CSRNP3: variants seen among roughly 807,000 people sequenced by gnomAD.
The protein encoded by CSRNP3 is cysteine and serine rich nuclear protein 3.
A neutral mutation model predicts 48.0 loss-of-function variants in CSRNP3; 12 were observed. The observed-to-expected ratio is 0.25, with a 90% CI of 0.16 to 0.41. CSRNP3 has a LOEUF of 0.41. CSRNP3 is among the 10% of genes least tolerant of loss of function. The pLI, the probability that CSRNP3 is intolerant of heterozygous loss-of-function variation, is 1.00. For missense variants in CSRNP3, 580 were observed against 724.4 expected (o/e 0.80, Z 2.29); for synonymous variants, 263 against 269.7 (o/e 0.98, Z 0.24).
chr2:165,637,490 C>T (rs1686650322), intron 4 of CSRNP3, among the ~76,000 whole-genome samples: 1 of 152,174 alleles, frequency 6.6e-6, no homozygotes, highest in Admixed American at 6.5e-5. Context: ...GTACTCATAG[C>T]TGGTCATGAT....
In CSRNP3 at chr2:165,494,905, C is replaced by G. The variant is rs905482030; in HGVS notation, c.-136C>G. 6.4e-6 allele frequency: 1 copy of G among 156,550 alleles called. No homozygotes were observed. The highest frequency in any genetic ancestry group is 1.5e-5 in the Non-Finnish European group (1 of 68,824). The allele number at this position is 156,550 out of a possible 1,614,324, so 9.7% of individuals were successfully genotyped here. A position where few individuals can be genotyped will look rare whatever the true frequency, so the allele number is the denominator to read the frequency against. The stretch of plus-strand genomic sequence containing the variant: ...TACTGAGAGTGTTGATAGTGTCAAT[C>G]GTTCAGTTTTAATGATTTTACCAGT... On this transcript the variant is annotated 5_prime_UTR_variant, in exon 2 of 7. It adds an upstream start codon to the 5' untranslated region. Transcript: ENST00000651982.
intron 3 of CSRNP3, among the ~76,000 whole-genome samples, chr2:165,576,063 A>T (rs1249542092): frequency 6.6e-6 from 1 of 150,560 alleles, no homozygotes; most frequent in African/African-American, 2.4e-5. Flanking sequence ...ATATAGATAT[A>T]TAATTGTTTT....
chr2:165,640,110 T>C (rs1407396030), intron 4 of CSRNP3, among the ~76,000 whole-genome samples: 1 of 152,240 alleles, frequency 6.6e-6, no homozygotes, highest in Non-Finnish European at 1.5e-5. Context: ...GGCACTCTAC[T>C]GCTTCATATA....
intron 5 of CSRNP3, among the ~76,000 whole-genome samples, chr2:165,662,106 A>G (rs1558965937): frequency 1.4e-5 from 1 of 70,744 alleles, no homozygotes; most frequent in Middle Eastern, 7.0e-3. Context: ...ATATTATAGT[A>G]CATCTATAGA....
At chr2:165,577,776 C>A (rs549596700) in intron 3 of CSRNP3, among the ~76,000 whole-genome samples, 1 of 151,728 alleles carries the variant, frequency 6.6e-6, no homozygotes, top group East Asian at 1.9e-4. Context: ...CCTTTGAGAG[C>A]AATTCAGAAA....
At chr2:165,662,560 C>T (rs1243211479) in intron 5 of CSRNP3, among the ~76,000 whole-genome samples, 1 of 152,182 alleles carries the variant, frequency 6.6e-6, no homozygotes, top group Admixed American at 6.5e-5. Context: ...AAATTAAGTG[C>T]TTAGATTTCA....
intron 4 of CSRNP3, among the ~76,000 whole-genome samples, chr2:165,599,314 AAAG>A (rs1188559919): frequency 7.2e-6 from 1 of 139,162 alleles, no homozygotes; most frequent in Non-Finnish European, 1.6e-5. Context: ...AGAAAGAAAG[AAAG>A]AAAGAAAGAA....
At chr2:165,577,209 T>G (rs1484689010) in intron 3 of CSRNP3, among the ~76,000 whole-genome samples, 1 of 151,388 alleles carries the variant, frequency 6.6e-6, no homozygotes, top group African/African-American at 2.4e-5. Context: ...AATAATTGAG[T>G]ATTCAAAACA....
rs569656668 is a variant in CSRNP3, at chr2:165,628,803, G to A, written c.149-28958G>A. Among the ~76,000 whole-genome samples, 5 of 151,692 alleles carry A rather than the reference G, an allele frequency of 3.3e-5. No homozygotes were observed. The East Asian group carries it at 5.9e-4, about 18-fold the overall frequency. On this transcript the variant is annotated intron_variant, in intron 4 of 6. Transcript: ENST00000651982. The stretch of plus-strand genomic sequence containing the variant: ...ATGAGGGGGCCGGGCACAGTGGCTC[G>A]TGCCTGTAATCCCAGCTTTTGGGAG...
At chr2:165,540,809 C>A (rs1260668737) in intron 3 of CSRNP3, among the ~76,000 whole-genome samples, 1 of 152,038 alleles carries the variant, frequency 6.6e-6, no homozygotes, top group South Asian at 2.1e-4. Context: ...ATGGCCCTGT[C>A]TGGAAGGGAC....
rs1472594568 is a variant in CSRNP3 at position 165,685,638 on chromosome 2, A to G, written c.*5885A>G. On this transcript the variant is annotated 3_prime_UTR_variant, in exon 7 of 7. Coordinates refer to ENST00000651982, the MANE Select transcript of CSRNP3 (RefSeq NM_001172173.2). ...AAAGATGTAAGTCACGTTGGTGACT[A>G]CTTTCTTTTACTTGTGATAAATATA... 3.3e-5 allele frequency: 5 copies of G among 152,122 alleles called. No homozygotes were observed. Among genetic ancestry groups the G allele is most frequent in the African/African-American group, 1.2e-4 (5 of 41,448 alleles). 9.4% of individuals were successfully genotyped at this position (152,122 alleles called of 1,614,324 possible). A position where few individuals can be genotyped will look rare whatever the true frequency, so the allele number is the denominator to read the frequency against.
At chr2:165,614,224 T>C (rs1464186237) in intron 4 of CSRNP3, among the ~76,000 whole-genome samples, 2 of 152,186 alleles carry the variant, frequency 1.3e-5, no homozygotes, top group Admixed American at 6.5e-5. Context: ...CTCTTTCTTT[T>C]TCAACTAGTT....
intron 3 of CSRNP3, among the ~76,000 whole-genome samples, chr2:165,547,308 G>A (rs1427399717): frequency 2.0e-5 from 3 of 152,102 alleles, no homozygotes; most frequent in South Asian, 2.1e-4. Flanking sequence ...ATGTGTTTCT[G>A]GACATGGAAT....
chr2:165,665,696 G>T (rs1327727877), intron 5 of CSRNP3, among the ~76,000 whole-genome samples: 3 of 151,666 alleles, frequency 2.0e-5, no homozygotes, highest in Admixed American at 6.6e-5. Context: ...GGAGTTCAAG[G>T]TTGCAGTGAG....
At chr2:165,519,272 A>ATT (rs71028489) in intron 3 of CSRNP3, among the ~76,000 whole-genome samples, 68 of 150,776 alleles carry the variant, frequency 4.5e-4, no homozygotes, top group Non-Finnish European at 8.3e-4. Flanking sequence ...CATTGCCTAC[A>ATT]TTTTTTTTTT....
intron 4 of CSRNP3, among the ~76,000 whole-genome samples, chr2:165,651,830 A>G (rs918933186): frequency 6.6e-5 from 10 of 151,638 alleles, no homozygotes; most frequent in Non-Finnish European, 1.5e-4. Flanking sequence ...TAATTTTTGT[A>G]TTTTTAGTAG....
chr2:165,526,273 AT>A (rs1684730821), intron 3 of CSRNP3, among the ~76,000 whole-genome samples: 1 of 152,154 alleles, frequency 6.6e-6, no homozygotes, highest in Admixed American at 6.6e-5. Flanking sequence ...GCCTGCTGAG[AT>A]TTTGATCGGA....
At chr2:165,555,496 CT>C (rs985179050) in intron 3 of CSRNP3, among the ~76,000 whole-genome samples, 1 of 152,132 alleles carries the variant, frequency 6.6e-6, no homozygotes, top group African/African-American at 2.4e-5. Flanking sequence ...TTTTCTGACC[CT>C]TTTCTCCTAG....
At chr2:165,609,259 T>C (rs1369112712) in intron 4 of CSRNP3, among the ~76,000 whole-genome samples, 1 of 148,912 alleles carries the variant, frequency 6.7e-6, no homozygotes, top group Non-Finnish European at 1.5e-5. Flanking sequence ...ATCGAGACCA[T>C]CCTGGCTAAC....
Sources: allele counts gnomAD v4.1 joint callset (sites outside exome capture counted in the v4.1 genomes callset), GRCh38; gene constraint gnomAD v4.1.1; transcripts MANE v1.5; gene names NCBI Gene and HGNC (gene_info 2026-07-23, HGNC 2026-07-21).